Variants in MARCHF8 observed in about 807,000 individuals in gnomAD.
The protein encoded by MARCHF8 is E3 ubiquitin-protein ligase MARCHF8.
MARCHF8 carries 40 observed loss-of-function variants against 51.6 expected under a neutral mutation model. The ratio of observed to expected loss-of-function variants is 0.77; its 90% CI spans 0.60 to 1.01. MARCHF8 has a LOEUF of 1.01. Ranked by LOEUF, MARCHF8 falls within the 50% of genes least tolerant of loss-of-function variation. The pLI, the probability that MARCHF8 is intolerant of heterozygous loss-of-function variation, is 0.00. For synonymous variants in MARCHF8, 263 were observed against 280.3 expected, an observed-to-expected ratio of 0.94 and a Z score of 0.62; for missense variants, 685 against 708.6, an observed-to-expected ratio of 0.97 and a Z score of 0.38.
chr10:45,580,216 G>T (rs1417517240), intron 1 of MARCHF8, among the ~76,000 whole-genome samples: 1 of 151,962 alleles, frequency 6.6e-6, no homozygotes, highest in Non-Finnish European at 1.5e-5. Flanking sequence ...GCAATATGCA[G>T]TCATTAGAAG....
At chr10:45,571,862 G>A (rs1221345921) in intron 1 of MARCHF8, among the ~76,000 whole-genome samples, 1 of 152,150 alleles carries the variant, frequency 6.6e-6, no homozygotes, top group Non-Finnish European at 1.5e-5. Flanking sequence ...AAGGAGACAT[G>A]TTTTATCCGT....
chr10:45,581,105 A>T (rs770694713), intron 1 of MARCHF8, among the ~76,000 whole-genome samples: 10 of 152,046 alleles, frequency 6.6e-5, no homozygotes, highest in Non-Finnish European at 1.2e-4. Context: ...CGGTATTCGT[A>T]AGTCTGTGGT....
chr10:45,536,515 C>T (rs149444556), upstream of MARCHF8, among the ~76,000 whole-genome samples: 330 of 151,344 alleles, frequency 2.2e-3, 4 homozygotes, highest in East Asian at 0.035. Context: ...GAGGCCAAGG[C>T]AAGAGAATCT....
intron 3 of MARCHF8, among the ~76,000 whole-genome samples, chr10:45,469,285 C>T (rs1194046389): frequency 6.6e-6 from 1 of 152,090 alleles, no homozygotes; most frequent in Non-Finnish European, 1.5e-5. Flanking sequence ...ACCATAATGC[C>T]ACTTTACACT....
chr10:45,548,182 C>T (rs771569321), intron 1 of MARCHF8, among the ~76,000 whole-genome samples: 1 of 152,180 alleles, frequency 6.6e-6, no homozygotes, highest in Non-Finnish European at 1.5e-5. Flanking sequence ...AAAAACTGGG[C>T]CCCTAAGGAA....
In MARCHF8 at chr10:45,463,365, A is replaced by C; in HGVS notation, c.874T>G (p.Ser292Ala). Reference sequence around the variant, plus strand: ...ATACTCCCTGCCAGCCCGCTGGAGGACTTGGCAGTGTGCAGGCGAGCAGCG... The same window carrying C: ...ATACTCCCTGCCAGCCCGCTGGAGGCCTTGGCAGTGTGCAGGCGAGCAGCG... ...SCAARLHTAK[S>A]SSGLAGSMGF... Residue 292 changes from serine to alanine, a missense_variant, in exon 5 of 8, where the codon TCC becomes GCC. Transcript: ENST00000453424. 1 of 1,550,752 alleles carries C rather than the reference A, an allele frequency of 6.4e-7. No individual in the cohort carries two copies. Among genetic ancestry groups the C allele is most frequent in the Non-Finnish European group, 8.7e-7 (1 of 1,147,032 alleles).
At position 45,478,318 on chromosome 10, in the gene MARCHF8, G is replaced by A. The variant is rs140758756; in HGVS notation, c.153+11049C>T. On this transcript the variant is annotated intron_variant, in intron 3 of 7. Coordinates refer to ENST00000453424, the MANE Select transcript of MARCHF8 (RefSeq NM_001282866.2). The stretch of plus-strand genomic sequence containing the variant: ...ACCACTGGGTGAAGGAAGAAATTAA[G>A]GAGAAAACATAAAAATGCCTTAAAT... 1.1e-3 allele frequency among the ~76,000 whole-genome samples: 171 copies of A among 152,202 alleles called. 1 individual carries two copies. Among genetic ancestry groups the A allele is most frequent in the African/African-American group, 4.0e-3 (166 of 41,548 alleles).
At chr10:45,481,687 A>C (rs1030306647) in intron 3 of MARCHF8, among the ~76,000 whole-genome samples, 3 of 152,154 alleles carry the variant, frequency 2.0e-5, no homozygotes, top group Non-Finnish European at 4.4e-5. Flanking sequence ...AGCCACATGG[A>C]ACTGTGAGTT....
At chr10:45,531,512 T>G (rs925927345) in intron 2 of MARCHF8, among the ~76,000 whole-genome samples, 1 of 152,050 alleles carries the variant, frequency 6.6e-6, no homozygotes, top group Admixed American at 6.6e-5. Context: ...TAAAAGACAA[T>G]AATGAAAAGG....
chr10:45,589,621 T>G (rs1564525904), intron 1 of MARCHF8, among the ~76,000 whole-genome samples: 1 of 152,180 alleles, frequency 6.6e-6, no homozygotes, highest in Non-Finnish European at 1.5e-5. Context: ...ACTATCTAAT[T>G]CTATATTTGT....
rs1842861130 is a variant in MARCHF8, at chr10:45,463,465, C to T, written c.774G>A (p.Leu258=). The T allele has an allele frequency of 6.4e-7, 1 of 1,550,532 alleles. No individual in the cohort carries two copies. The highest frequency in any genetic ancestry group is 1.4e-5 in the African/African-American group (1 of 73,062). Residue 258 remains leucine (L), a synonymous_variant, in exon 5 of 8, where the codon CTG becomes CTA. Transcript: ENST00000453424. ...DGEATSRSRQ[L]LQYLFSLSHG... ...GCGAGAGTGAGAACAGGTACTGGAG[C>T]AGTTGCCGGCTTCGGGACGTGGCCT...
intron 2 of MARCHF8, among the ~76,000 whole-genome samples, chr10:45,525,986 T>A (rs1391701301): frequency 6.6e-6 from 1 of 152,202 alleles, no homozygotes; most frequent in African/African-American, 2.4e-5. Flanking sequence ...AAAAGGACAT[T>A]AGTTAAAAAG....
At chr10:45,464,870 T>C (rs960807245) in intron 3 of MARCHF8, among the ~76,000 whole-genome samples, 7 of 152,138 alleles carry the variant, frequency 4.6e-5, no homozygotes, top group African/African-American at 1.7e-4. Context: ...CACGTCACCA[T>C]GGGGGACACC....
chr10:45,482,679 C>T (rs1328765564), intron 3 of MARCHF8, among the ~76,000 whole-genome samples: 1 of 152,150 alleles, frequency 6.6e-6, no homozygotes, highest in Admixed American at 6.5e-5. Context: ...TGCTTGAACC[C>T]AGGAGGCAGA....
intron 1 of MARCHF8, among the ~76,000 whole-genome samples, chr10:45,564,673 T>C (rs1377679440): frequency 6.6e-6 from 1 of 151,808 alleles, no homozygotes; most frequent in Non-Finnish European, 1.5e-5. Flanking sequence ...CAAATAGAAA[T>C]ACAACTGAGC....
intron 2 of MARCHF8, among the ~76,000 whole-genome samples, chr10:45,511,278 A>G (rs1313962841): frequency 6.6e-6 from 1 of 152,228 alleles, no homozygotes. Context: ...TTTTAAAATA[A>G]TGTATCCAAT....
intron 3 of MARCHF8, among the ~76,000 whole-genome samples, chr10:45,467,529 A>C (rs1843008413): frequency 6.6e-6 from 1 of 152,182 alleles, no homozygotes; most frequent in Non-Finnish European, 1.5e-5. Flanking sequence ...GAAATCTATC[A>C]ACCAACAAAG....
intron 2 of MARCHF8, among the ~76,000 whole-genome samples, chr10:45,492,446 C>T (rs2043100121): frequency 6.6e-6 from 1 of 152,120 alleles, no homozygotes; most frequent in African/African-American, 2.4e-5. Context: ...TACAGGCGCC[C>T]ACCACCATGT....
intron 3 of MARCHF8, among the ~76,000 whole-genome samples, chr10:45,473,099 A>G (rs1270603109): frequency 6.6e-6 from 1 of 152,192 alleles, no homozygotes; most frequent in East Asian, 1.9e-4. Flanking sequence ...TCGCGTAATA[A>G]AAGTGGGTCA....
Sources: allele counts gnomAD v4.1 joint callset (sites outside exome capture counted in the v4.1 genomes callset), GRCh38; gene constraint gnomAD v4.1.1; transcripts MANE v1.5; gene names NCBI Gene and HGNC (gene_info 2026-07-23, HGNC 2026-07-21).